RCSD1: variants seen among roughly 807,000 people sequenced by gnomAD.
RCSD1 encodes the protein capZ-interacting protein.
Under a neutral mutation model 42.5 loss-of-function variants are expected in RCSD1, and 26 were observed. The observed-to-expected ratio is 0.61, with a 90% CI of 0.45 to 0.85. RCSD1 has a LOEUF of 0.85. Among genes scored for constraint, RCSD1 ranks in the 40% least tolerant of loss-of-function variants. RCSD1 has a pLI of 0.00. For synonymous variants in RCSD1, 220 were observed against 212.2 expected, an observed-to-expected ratio of 1.04 and a Z score of -0.32; for missense variants, 571 against 528.3, an observed-to-expected ratio of 1.08 and a Z score of -0.79.
chr1:167,650,253 A>G (rs746956080), intron 1 of RCSD1, among the ~76,000 whole-genome samples: 17 of 152,218 alleles, frequency 1.1e-4, no homozygotes, highest in Non-Finnish European at 1.5e-4. Context: ...AATGTCTGCA[A>G]ACAGCTTGGT....
At chr1:167,669,424 C>A (rs1291534547) in intron 1 of RCSD1, among the ~76,000 whole-genome samples, 2 of 152,274 alleles carry the variant, frequency 1.3e-5, no homozygotes, top group Non-Finnish European at 2.9e-5. Flanking sequence ...CACTTCAAGG[C>A]CAGCCCTGAT....
At chr1:167,702,009 CG>C (rs1659657084) in intron 6 of RCSD1, among the ~76,000 whole-genome samples, 1 of 152,188 alleles carries the variant, frequency 6.6e-6, no homozygotes, top group African/African-American at 2.4e-5. Flanking sequence ...GTTCCTCTGT[CG>C]GTAGAAATAG....
chr1:167,682,176 T>G (rs182887772), intron 1 of RCSD1, among the ~76,000 whole-genome samples: 115 of 151,674 alleles, frequency 7.6e-4, no homozygotes, highest in Non-Finnish European at 1.5e-3. Flanking sequence ...CGAAGCCTTT[T>G]TTTTTTTTTT....
intron 1 of RCSD1, among the ~76,000 whole-genome samples, chr1:167,677,885 G>A (rs1359422954): frequency 3.9e-5 from 6 of 152,110 alleles, no homozygotes; most frequent in African/African-American, 2.4e-5. Flanking sequence ...AAAATTATGA[G>A]GGGGGTATGT....
intron 1 of RCSD1, among the ~76,000 whole-genome samples, chr1:167,667,210 T>C (rs190602048): frequency 6.6e-6 from 1 of 150,776 alleles, no homozygotes; most frequent in East Asian, 1.9e-4. Context: ...CCTCTTGATA[T>C]ACTAGAGACT....
chr1:167,659,054 C>T (rs56228892), intron 1 of RCSD1, among the ~76,000 whole-genome samples: 19,184 of 152,176 alleles, frequency 0.13, 1,638 homozygotes, highest in Non-Finnish European at 0.17. Flanking sequence ...ACCGCAATTG[C>T]TATTTTCCCT....
rs1287903690 is a variant in RCSD1 at position 167,697,493 on chromosome 1, C to T, written c.869C>T (p.Pro290Leu). 1.2e-6 allele frequency: 2 copies of T among 1,608,208 alleles called. No individual in the cohort carries two copies. Among genetic ancestry groups the T allele is most frequent in the South Asian group, 1.1e-5 (1 of 90,086 alleles). The change falls in exon 6 of 7, where the codon CCA (proline) becomes CTA (leucine). Residue 290 changes from proline to leucine, a missense_variant. By Grantham distance (98) the Pro-to-Leu change is moderately conservative. Transcript: ENST00000367854. ...CCGGAATCGCCCCAGACCTCTGGCC[C>T]AGAGGCAGAAAATAGGTGTGGGAGC... ...EVPESPQTSGPEAENRCGSPR... is the reference protein window; with the variant it reads ...EVPESPQTSGLEAENRCGSPR...
chr1:167,663,109 G>A (rs1434242490), intron 1 of RCSD1, among the ~76,000 whole-genome samples: 1 of 152,172 alleles, frequency 6.6e-6, no homozygotes, highest in Non-Finnish European at 1.5e-5. Context: ...CTCAGCTCTT[G>A]AAATGACTCA....
At chr1:167,657,067 C>T (rs750752220) in intron 1 of RCSD1, among the ~76,000 whole-genome samples, 9 of 152,234 alleles carry the variant, frequency 5.9e-5, no homozygotes, top group Non-Finnish European at 8.8e-5. Context: ...TTAGATGGGA[C>T]TGATAATACA....
chr1:167,684,902 T>G (rs997695436), intron 2 of RCSD1, among the ~76,000 whole-genome samples: 2 of 152,004 alleles, frequency 1.3e-5, no homozygotes, highest in African/African-American at 4.8e-5. Flanking sequence ...ACAAGTGAGA[T>G]GAGGGAAGGG....
chr1:167,642,429 TA>T (rs1658029635), intron 1 of RCSD1, among the ~76,000 whole-genome samples: 2 of 152,200 alleles, frequency 1.3e-5, no homozygotes, highest in Non-Finnish European at 2.9e-5. Flanking sequence ...TAAGCACAAA[TA>T]ATGTTTTCAA....
intron 6 of RCSD1, among the ~76,000 whole-genome samples, chr1:167,699,002 G>A (rs1659577525): frequency 6.6e-6 from 1 of 152,024 alleles, no homozygotes; most frequent in Non-Finnish European, 1.5e-5. Context: ...GTTTCACCGT[G>A]TTAGCCAGGA....
intron 1 of RCSD1, among the ~76,000 whole-genome samples, chr1:167,637,375 C>G (rs1237531084): frequency 6.6e-6 from 1 of 152,148 alleles, no homozygotes; most frequent in East Asian, 1.9e-4. Flanking sequence ...ACAAGATATA[C>G]CCAAATGACA....
intron 1 of RCSD1, chr1:167,663,558 A>C (rs993829011): frequency 6.6e-6 from 1 of 152,306 alleles, no homozygotes; most frequent in Non-Finnish European, 1.5e-5. Flanking sequence ...TCATGGCTGG[A>C]GGCCAGAATC....
At chr1:167,643,250 G>A (rs1187065789) in intron 1 of RCSD1, among the ~76,000 whole-genome samples, 2 of 152,162 alleles carry the variant, frequency 1.3e-5, no homozygotes, top group East Asian at 1.9e-4. Flanking sequence ...AACCCTGAGC[G>A]TGTCTTCTGT....
At position 167,705,910 on chromosome 1, in the gene RCSD1, G is replaced by C. The variant is rs566340374; in HGVS notation, c.*1214G>C. Reference sequence around the variant, plus strand: ...TAATCCAAATACACATTTAAACTTAGGGTCGGTCCTTATTCTGATTTGAGT... The same window carrying C: ...TAATCCAAATACACATTTAAACTTACGGTCGGTCCTTATTCTGATTTGAGT... On this transcript the variant is annotated 3_prime_UTR_variant, in exon 7 of 7. Coordinates refer to ENST00000367854, the MANE Select transcript of RCSD1 (RefSeq NM_052862.4). 6.6e-6 allele frequency: 1 copy of C among 152,290 alleles called. No homozygotes were observed. The highest frequency in any genetic ancestry group is 1.9e-4 in the East Asian group (1 of 5,188). The allele number at this position is 152,290 out of a possible 1,614,324, so 9.4% of individuals were successfully genotyped here. A position where few individuals can be genotyped will look rare whatever the true frequency, so the allele number is the denominator to read the frequency against.
At chr1:167,637,730 C>CCACACACA (rs66925392) in intron 1 of RCSD1, among the ~76,000 whole-genome samples, 1,643 of 146,806 alleles carry the variant, frequency 0.011, 25 homozygotes, top group African/African-American at 0.038. Context: ...TAGGAATAGA[C>CCACACACA]CACACACACA....
In RCSD1 at chr1:167,640,551, CT is replaced by C. The variant is rs548080784; in HGVS notation, c.6+10131del. On this transcript the variant is annotated intron_variant, in intron 1 of 6. Coordinates refer to ENST00000367854, the MANE Select transcript of RCSD1 (RefSeq NM_052862.4). ...TCCAGGGATTAGGAAGTGAGCATAT[CT>C]TTTTTTTTCCTCCTCAAGACAGGGT... 5.8e-3 allele frequency: 880 copies of C among 151,738 alleles called. 5 individuals are homozygous for C. The highest frequency in any genetic ancestry group is 9.4e-3 in the Non-Finnish European group (638 of 67,886). 9.4% of individuals were successfully genotyped at this position (151,738 alleles called of 1,614,324 possible).
intron 1 of RCSD1, among the ~76,000 whole-genome samples, chr1:167,680,486 G>GT (rs1553250812): frequency 1.4e-5 from 2 of 146,666 alleles, no homozygotes; most frequent in Non-Finnish European, 3.0e-5. Context: ...TTTTGTTTTT[G>GT]TTTTTTTCAG....
Sources: gnomAD v4.1 joint callset for allele counts (sites outside exome capture counted in the v4.1 genomes callset) on GRCh38, gnomAD v4.1.1 for gene constraint, MANE v1.5 for transcripts, NCBI Gene and HGNC (gene_info 2026-07-23, HGNC 2026-07-21) for gene names.